Variants in PTPRO observed in about 807,000 individuals in gnomAD.
PTPRO encodes the protein receptor-type tyrosine-protein phosphatase O.
In PTPRO, 62 loss-of-function variants were observed where a neutral mutation model predicts 145.2. That is an observed-to-expected ratio of 0.43 (90% confidence interval 0.35 to 0.53). The LOEUF (loss-of-function observed/expected upper bound fraction) is 0.53. PTPRO is among the 20% of genes least tolerant of loss of function. PTPRO has a pLI of 0.01. For missense variants in PTPRO, 1,345 were observed against 1,482.7 expected (o/e 0.91, Z 1.53); for synonymous variants, 565 against 514.7 (o/e 1.10, Z -1.32).
At chr12:15,326,269 T>A (rs1414849642) in intron 1 of PTPRO, among the ~76,000 whole-genome samples, 1 of 152,188 alleles carries the variant, frequency 6.6e-6, no homozygotes, top group Non-Finnish European at 1.5e-5. Context: ...TTTGCTGCCC[T>A]TAACTCCCAT....
rs140030653 is a variant in PTPRO, at chr12:15,587,006, G to T, written c.3365G>T (p.Arg1122Leu). The T allele has an allele frequency of 6.2e-7, 1 of 1,614,050 alleles. No homozygotes were observed. The highest frequency in any genetic ancestry group is 8.5e-7 in the Non-Finnish European group (1 of 1,179,990). ...ATCCTGCAGTTTGTACACATGGTCC[G>T]ACAGCAAGCTACCAAGAGCAAAGGT... The part of the protein sequence containing the change: ...ESILQFVHMV[R>L]QQATKSKGPM... Residue 1122 changes from arginine to leucine, a missense_variant, in exon 24 of 27, where the codon CGA becomes CTA. Around this residue, in one of 3 missense-constraint regions of PTPRO, gnomAD observed 208 missense variants for 242.8 expected, o/e 0.86. Transcript: ENST00000281171.
chr12:15,547,282 T>C (rs1235531062), intron 13 of PTPRO, among the ~76,000 whole-genome samples: 2 of 152,112 alleles, frequency 1.3e-5, no homozygotes, highest in Non-Finnish European at 2.9e-5. Context: ...GAATTACAAA[T>C]GGCAGATACG....
intron 7 of PTPRO, among the ~76,000 whole-genome samples, chr12:15,510,455 CCTTGCCCTACTTAATGT>C (rs1942414476): frequency 6.6e-6 from 1 of 152,186 alleles, no homozygotes; most frequent in South Asian, 2.1e-4. Flanking sequence ...ACATTTCTCC[CCTTGCCCTACTTAATGT>C]ACACATTATA....
intron 1 of PTPRO, among the ~76,000 whole-genome samples, chr12:15,376,905 G>T (rs909019308): frequency 6.6e-6 from 1 of 152,128 alleles, no homozygotes; most frequent in African/African-American, 2.4e-5. Context: ...ATTTAGTCCA[G>T]TGTAATAGGT....
At chr12:15,462,245 G>A (rs1360046715) in intron 1 of PTPRO, among the ~76,000 whole-genome samples, 2 of 151,992 alleles carry the variant, frequency 1.3e-5, no homozygotes, top group East Asian at 1.9e-4. Context: ...CTGCCTCAGT[G>A]TCCCAAGTAG....
intron 1 of PTPRO, among the ~76,000 whole-genome samples, chr12:15,469,843 A>C (rs886857647): frequency 6.6e-6 from 1 of 152,086 alleles, no homozygotes; most frequent in African/African-American, 2.4e-5. Context: ...ACAGATCACA[A>C]ATTTTGTAGA....
In PTPRO at chr12:15,524,969, T is replaced by G. The variant is rs1296083659; in HGVS notation, c.2043+4T>G. 2 of 1,613,734 alleles carry G rather than the reference T, an allele frequency of 1.2e-6. No individual in the cohort carries two copies. The highest frequency in any genetic ancestry group is 4.5e-5 in the East Asian group (2 of 44,840). On this transcript the variant is annotated splice_donor_region_variant and intron_variant, in intron 11 of 26. Transcript: ENST00000281171. ...AAAAAAGAAAATTAAAAAGAGTGTA[T>G]GTTTCTTTGAATGCCAGCATTGTGT...
chr12:15,575,070 T>C (rs1427392475), intron 19 of PTPRO, among the ~76,000 whole-genome samples: 1 of 152,222 alleles, frequency 6.6e-6, no homozygotes, highest in East Asian at 1.9e-4. Flanking sequence ...GGTGAGGACT[T>C]CGTGGTAGGA....
intron 1 of PTPRO, among the ~76,000 whole-genome samples, chr12:15,448,728 G>A (rs540806898): frequency 1.9e-4 from 29 of 152,248 alleles, no homozygotes; most frequent in African/African-American, 6.3e-4. Context: ...AGCTTTCCAT[G>A]TTCATTGCAG....
chr12:15,397,322 A>G (rs906579807), intron 1 of PTPRO, among the ~76,000 whole-genome samples: 1 of 152,244 alleles, frequency 6.6e-6, no homozygotes, highest in Admixed American at 6.5e-5. Flanking sequence ...ATGCTTTCAC[A>G]TATATTTCTG....
intron 9 of PTPRO, among the ~76,000 whole-genome samples, chr12:15,518,310 C>G (rs1364396757): frequency 6.6e-6 from 1 of 152,218 alleles, no homozygotes; most frequent in African/African-American, 2.4e-5. Context: ...ATGCAGGGCA[C>G]CAAGTCTCTA....
chr12:15,348,055 T>TACCCTA (rs1937650166), intron 1 of PTPRO, among the ~76,000 whole-genome samples: 1 of 152,206 alleles, frequency 6.6e-6, no homozygotes, highest in African/African-American at 2.4e-5. Context: ...AAGATGACCA[T>TACCCTA]ACCCTAACCC....
intron 1 of PTPRO, among the ~76,000 whole-genome samples, chr12:15,434,926 C>T (rs757951646): frequency 6.6e-6 from 1 of 152,174 alleles, no homozygotes. Context: ...CAGATACAGT[C>T]AGACAATTTC....
At chr12:15,457,790 GT>G (rs1376008450) in intron 1 of PTPRO, among the ~76,000 whole-genome samples, 7 of 152,050 alleles carry the variant, frequency 4.6e-5, no homozygotes, top group Non-Finnish European at 1.0e-4. Context: ...CAATTCACAT[GT>G]TTTTATATTA....
At chr12:15,338,955 T>C (rs1866869600) in intron 1 of PTPRO, among the ~76,000 whole-genome samples, 1 of 152,154 alleles carries the variant, frequency 6.6e-6, no homozygotes, top group South Asian at 2.1e-4. Context: ...GTTATTTTGC[T>C]AAGAAGTCTG....
chr12:15,448,751 T>C (rs1286530377), intron 1 of PTPRO, among the ~76,000 whole-genome samples: 1 of 152,106 alleles, frequency 6.6e-6, no homozygotes, highest in Admixed American at 6.6e-5. Context: ...CTATTCACAA[T>C]AGCCAAGACA....
intron 1 of PTPRO, among the ~76,000 whole-genome samples, chr12:15,392,520 A>T (rs1939214984): frequency 6.6e-6 from 1 of 152,096 alleles, no homozygotes; most frequent in African/African-American, 2.4e-5. Context: ...GAAGAGTTCG[A>T]GACCAGACTG....
chr12:15,413,831 T>A (rs1939870097), intron 1 of PTPRO, among the ~76,000 whole-genome samples: 1 of 151,702 alleles, frequency 6.6e-6, no homozygotes, highest in Non-Finnish European at 1.5e-5. Context: ...AACAAATAAA[T>A]AAATAAATAA....
chr12:15,508,882 G>T, intron 7 of PTPRO, 115 bp downstream of exon 7: 1 of 1,056,562 alleles, frequency 9.5e-7, no homozygotes, highest in Non-Finnish European at 1.4e-6. Flanking sequence ...GGATGGGTGT[G>T]TTCTGTGACT....
Sources: allele counts gnomAD v4.1 joint callset (sites outside exome capture counted in the v4.1 genomes callset), GRCh38; gene constraint gnomAD v4.1.1; regional missense constraint gnomAD v4.1.1; transcripts MANE v1.5; gene names NCBI Gene and HGNC (gene_info 2026-07-23, HGNC 2026-07-21).